Variants in CDS1 observed in about 807,000 individuals in gnomAD.
CDS1 encodes CDP-diacylglycerol synthase 1.
Under a neutral mutation model 62.1 loss-of-function variants are expected in CDS1, and 41 were observed. The observed-to-expected ratio is 0.66, with a 90% CI of 0.51 to 0.86. The LOEUF (loss-of-function observed/expected upper bound fraction) is 0.86, where lower values mean the gene tolerates loss of function less well. Ranked by LOEUF, CDS1 falls within the 40% of genes least tolerant of loss-of-function variation. The probability of loss-of-function intolerance (pLI) is 0.00; values close to 1 mark genes in which losing one functional copy is unlikely to be tolerated. For synonymous variants in CDS1, 185 were observed against 192.6 expected (o/e 0.96, Z 0.32); for missense variants, 470 against 550.1 (o/e 0.85, Z 1.46).
At chr4:84,616,390 T>G (rs1373545913) in intron 3 of CDS1, among the ~76,000 whole-genome samples, 3 of 152,198 alleles carry the variant, frequency 2.0e-5, no homozygotes, top group Non-Finnish European at 4.4e-5. Flanking sequence ...AAAAATAACT[T>G]AAAAATACCC....
chr4:84,647,342 T>C (rs1724586269), intron 12 of CDS1, among the ~76,000 whole-genome samples: 1 of 152,184 alleles, frequency 6.6e-6, no homozygotes, highest in Non-Finnish European at 1.5e-5. Flanking sequence ...TGGCAGCTTT[T>C]TAGGGCATTA....
chr4:84,609,460 A>G lies in CDS1; in HGVS notation c.277A>G (p.Thr93Ala), dbSNP rs1723246527. ...WKNWWIRGILTLTMISLFFLI... is the reference protein window; with the variant it reads ...WKNWWIRGILALTMISLFFLI... ...AAACTGGTGGATACGTGGAATTCTC[A>G]CTCTAACTATGATCTCGTTGTTTTT... The change falls in exon 3 of 13, where the codon ACT (threonine) becomes GCT (alanine). Residue 93 changes from threonine (T) to alanine (A), a missense_variant. This residue lies in a region of CDS1 where 150 missense variants were observed against 142.0 expected (regional missense o/e 1.06). Coordinates refer to ENST00000295887, the MANE Select transcript of CDS1 (RefSeq NM_001263.4). 2 of 1,609,722 alleles carry G rather than the reference A, an allele frequency of 1.2e-6. No individual in the cohort carries two copies. The highest frequency in any genetic ancestry group is 2.7e-5 in the African/African-American group (2 of 74,798).
At chr4:84,603,066 A>G (rs193245097) in intron 1 of CDS1, among the ~76,000 whole-genome samples, 52 of 152,286 alleles carry the variant, frequency 3.4e-4, no homozygotes, top group African/African-American at 1.2e-3. Context: ...CAATCATAAT[A>G]TTATCTTACT....
intron 5 of CDS1, among the ~76,000 whole-genome samples, chr4:84,629,683 C>G (rs562044124): frequency 6.6e-6 from 1 of 152,234 alleles, no homozygotes; most frequent in Admixed American, 6.5e-5. Context: ...TTTATACCTC[C>G]CCCTTCCTCT....
intron 8 of CDS1, among the ~76,000 whole-genome samples, chr4:84,635,688 T>TTCCTTCCCTCCC (rs1724182202): frequency 5.3e-5 from 3 of 56,462 alleles, no homozygotes; most frequent in African/African-American, 2.4e-4. Flanking sequence ...CCTTCCTTCC[T>TTCCTTCCCTCCC]TCCCTCCTTC....
intron 1 of CDS1, among the ~76,000 whole-genome samples, chr4:84,597,174 C>T (rs1056751158): frequency 3.3e-5 from 5 of 152,176 alleles, no homozygotes; most frequent in Non-Finnish European, 5.9e-5. Flanking sequence ...CAACCAGTCA[C>T]CTCCTTCCTT....
At chr4:84,608,197 G>A (rs1387367712) in intron 2 of CDS1, among the ~76,000 whole-genome samples, 2 of 152,144 alleles carry the variant, frequency 1.3e-5, no homozygotes, top group South Asian at 2.1e-4. Flanking sequence ...TTTTGGAGAC[G>A]GAGTCTCGCT....
chr4:84,648,814 C>G lies in CDS1; in HGVS notation c.*128C>G. Reference sequence around the variant, plus strand: ...TGAAGTTTTGGAGATATGTTTCTCTCTGAAATTACTGTGAATATTTAACAA... The same window carrying G: ...TGAAGTTTTGGAGATATGTTTCTCTGTGAAATTACTGTGAATATTTAACAA... On this transcript the variant is annotated 3_prime_UTR_variant, in exon 13 of 13. Transcript: ENST00000295887. The G allele has an allele frequency of 1.2e-6, 1 of 835,756 alleles. No homozygotes were observed. The highest frequency in any genetic ancestry group is 1.8e-6 in the Non-Finnish European group (1 of 559,558). The allele number at this position is 835,756 out of a possible 1,614,324, so 51.8% of individuals were successfully genotyped here. A position where few individuals can be genotyped will look rare whatever the true frequency, so the allele number is the denominator to read the frequency against.
At chr4:84,614,948 T>A (rs1578033733) in intron 3 of CDS1, among the ~76,000 whole-genome samples, 1 of 151,896 alleles carries the variant, frequency 6.6e-6, no homozygotes, top group Non-Finnish European at 1.5e-5. Flanking sequence ...AGTCTTAGAG[T>A]CATGGCACAT....
At chr4:84,596,849 G>A (rs1040983629) in intron 1 of CDS1, among the ~76,000 whole-genome samples, 1 of 152,138 alleles carries the variant, frequency 6.6e-6, no homozygotes, top group Admixed American at 6.5e-5. Flanking sequence ...GAGGAAGAGC[G>A]TAAGTTATAA....
chr4:84,648,421 T>G (rs1724616056), intron 12 of CDS1, 136 bp from the exon 13 acceptor site: 2 of 732,786 alleles, frequency 2.7e-6, no homozygotes, highest in South Asian at 4.9e-5. Flanking sequence ...AGTGAGCTAT[T>G]ATCAAGAGCT....
chr4:84,601,688 G>C (rs189032450), intron 1 of CDS1, among the ~76,000 whole-genome samples: 1 of 152,072 alleles, frequency 6.6e-6, no homozygotes, highest in Non-Finnish European at 1.5e-5. Flanking sequence ...CAGGGCGGGC[G>C]GATCACCTGA....
intron 6 of CDS1, among the ~76,000 whole-genome samples, chr4:84,633,290 A>C (rs1724080453): frequency 1.3e-5 from 2 of 152,344 alleles, no homozygotes; most frequent in Middle Eastern, 3.4e-3. Context: ...AAGGTCTTTA[A>C]AAATTTGAAA....
At chr4:84,618,451 G>T (rs570530134) in intron 4 of CDS1, among the ~76,000 whole-genome samples, 2 of 152,324 alleles carry the variant, frequency 1.3e-5, no homozygotes, top group South Asian at 2.1e-4. Flanking sequence ...TTATTAAGAA[G>T]AGAAGATAAA....
At chr4:84,585,939 G>T (rs971105253) in intron 1 of CDS1, among the ~76,000 whole-genome samples, 1 of 152,180 alleles carries the variant, frequency 6.6e-6, no homozygotes, top group African/African-American at 2.4e-5. Flanking sequence ...CATGCTTGGC[G>T]TCTACCTGGA....
intron 1 of CDS1, among the ~76,000 whole-genome samples, chr4:84,600,077 A>T (rs1420521145): frequency 1.3e-5 from 2 of 152,102 alleles, no homozygotes; most frequent in African/African-American, 4.8e-5. Context: ...ACCCATTCTG[A>T]TAGATGTATG....
intron 3 of CDS1, among the ~76,000 whole-genome samples, chr4:84,613,041 C>G (rs755942273): frequency 4.8e-5 from 7 of 146,704 alleles, no homozygotes; most frequent in African/African-American, 1.5e-4. Flanking sequence ...TAGGTTTGAA[C>G]TGTTATTGGT....
intron 3 of CDS1, among the ~76,000 whole-genome samples, chr4:84,615,699 A>G (rs1418553675): frequency 3.9e-5 from 6 of 152,076 alleles, no homozygotes; most frequent in South Asian, 2.1e-4. Flanking sequence ...CAGATGCCCT[A>G]TGTTATTTCT....
chr4:84,611,359 G>A (rs970422177), intron 3 of CDS1, among the ~76,000 whole-genome samples: 1 of 152,068 alleles, frequency 6.6e-6, no homozygotes, highest in Non-Finnish European at 1.5e-5. Context: ...AGTTAATCCA[G>A]GTTCTTCTTA....
Sources: allele counts gnomAD v4.1 joint callset (sites outside exome capture counted in the v4.1 genomes callset), GRCh38; gene constraint gnomAD v4.1.1; regional missense constraint gnomAD v4.1.1; transcripts MANE v1.5; gene names NCBI Gene and HGNC (gene_info 2026-07-23, HGNC 2026-07-21).